Variants in SPTLC2 observed in about 807,000 individuals in gnomAD.
SPTLC2 encodes the protein serine palmitoyltransferase long chain base subunit 2, also known as serine palmitoyltransferase 2.
A neutral mutation model predicts 62.0 loss-of-function variants in SPTLC2; 21 were observed. The ratio of observed to expected loss-of-function variants is 0.34; its 90% CI spans 0.24 to 0.49. The LOEUF (loss-of-function observed/expected upper bound fraction) is 0.49. Among genes scored for constraint, SPTLC2 ranks in the 20% least tolerant of loss-of-function variants. The pLI is 0.99. For missense variants in SPTLC2, 511 were observed against 713.0 expected, an observed-to-expected ratio of 0.72 and a Z score of 3.23; for synonymous variants, 261 against 261.8, an observed-to-expected ratio of 1.00 and a Z score of 0.03.
At position 77,616,617 on chromosome 14, in the gene SPTLC2, G is replaced by A. The variant is rs375977724; in HGVS notation, c.-38C>T. On this transcript the variant is annotated 5_prime_UTR_variant, in exon 1 of 12. Transcript: ENST00000216484. The stretch of plus-strand genomic sequence containing the variant: ...ACCAGGCGCAAGGCAGGCTCTGTAG[G>A]CGGTGGCAGCGGCGGCGGCTGCTCC... 5.8e-4 allele frequency: 884 copies of A among 1,527,386 alleles called. 13 individuals are homozygous for A. The South Asian group carries it at 9.7e-3, about 17-fold the overall frequency. The allele number at this position is 1,527,386 out of a possible 1,614,324, so 94.6% of individuals were successfully genotyped here.
At chr14:77,559,513 A>G (rs1265924986) in intron 6 of SPTLC2, among the ~76,000 whole-genome samples, 1 of 152,170 alleles carries the variant, frequency 6.6e-6, no homozygotes, top group African/African-American at 2.4e-5. Flanking sequence ...GTAAAATCCG[A>G]AAGTCGTAAA....
intron 8 of SPTLC2, among the ~76,000 whole-genome samples, chr14:77,552,828 T>G (rs1286569655): frequency 7.1e-6 from 1 of 139,958 alleles, no homozygotes; most frequent in African/African-American, 2.6e-5. Context: ...AAAAAAAAAG[T>G]TAAAAATAAA....
At chr14:77,566,518 T>C (rs779311973) in intron 5 of SPTLC2, among the ~76,000 whole-genome samples, 2 of 152,102 alleles carry the variant, frequency 1.3e-5, no homozygotes, top group Non-Finnish European at 1.5e-5. Context: ...CAGGCTGGAG[T>C]GCATCGGCGC....
At chr14:77,551,696 TTTA>T (rs1395966988) in intron 9 of SPTLC2, among the ~76,000 whole-genome samples, 1 of 152,200 alleles carries the variant, frequency 6.6e-6, no homozygotes, top group Non-Finnish European at 1.5e-5. Context: ...GTAGAAACTC[TTTA>T]AAAAGGCATT....
rs2079308777 is a variant in SPTLC2 at position 77,506,956 on chromosome 14, C to A, written c.*5328G>T. 1 of 152,226 alleles carries A rather than the reference C, an allele frequency of 6.6e-6. No homozygotes were observed. The highest frequency in any genetic ancestry group is 1.5e-5 in the Non-Finnish European group (1 of 68,054). 9.4% of individuals were successfully genotyped at this position (152,226 alleles called of 1,614,324 possible). A position where few individuals can be genotyped will look rare whatever the true frequency, so the allele number is the denominator to read the frequency against. On this transcript the variant is annotated 3_prime_UTR_variant, in exon 12 of 12. Transcript: ENST00000216484. ...ATTCTTTAGGGTCAGTTTATTATAA[C>A]TTATCCTACCAGAAAGAATCACAGT... is the stretch of plus-strand genomic sequence containing the variant.
At chr14:77,570,950 C>T (rs373002420) in intron 4 of SPTLC2, among the ~76,000 whole-genome samples, 2 of 152,114 alleles carry the variant, frequency 1.3e-5, no homozygotes, top group African/African-American at 4.8e-5. Flanking sequence ...GAGAGAAAGA[C>T]GTAAGGAGAG....
At chr14:77,578,401 T>C (rs766986389) in intron 3 of SPTLC2, among the ~76,000 whole-genome samples, 2 of 151,654 alleles carry the variant, frequency 1.3e-5, no homozygotes, top group Non-Finnish European at 2.9e-5. Context: ...CTGTTTCTTA[T>C]CAATAGGAGT....
At chr14:77,539,053 AG>A (rs2079485606) in intron 9 of SPTLC2, among the ~76,000 whole-genome samples, 2 of 152,168 alleles carry the variant, frequency 1.3e-5, no homozygotes, top group African/African-American at 4.8e-5. Flanking sequence ...GGCTGTTTTA[AG>A]AAAATGGGAT....
chr14:77,572,078 G>A (rs59135299), intron 4 of SPTLC2, among the ~76,000 whole-genome samples: 12,246 of 152,260 alleles, frequency 0.08, 567 homozygotes, highest in African/African-American at 0.12. Context: ...GTGAGCCACC[G>A]CATCCAGCCG....
At chr14:77,551,932 C>A (rs1052529970) in intron 9 of SPTLC2, among the ~76,000 whole-genome samples, 164 bp downstream of exon 9, 2 of 152,150 alleles carry the variant, frequency 1.3e-5, no homozygotes, top group Non-Finnish European at 2.9e-5. Flanking sequence ...GTTCTCATGG[C>A]ATATGTATCA....
chr14:77,596,907 CGTT>C (rs1211692796), intron 2 of SPTLC2, among the ~76,000 whole-genome samples: 1 of 152,188 alleles, frequency 6.6e-6, no homozygotes, highest in Non-Finnish European at 1.5e-5. Flanking sequence ...TCTTGGGAAA[CGTT>C]GTTTAACTTG....
At chr14:77,589,299 T>C (rs954620029) in intron 2 of SPTLC2, among the ~76,000 whole-genome samples, 5 of 152,030 alleles carry the variant, frequency 3.3e-5, no homozygotes, top group African/African-American at 9.7e-5. Flanking sequence ...TTCTATGCTG[T>C]CCATGAAAGC....
intron 9 of SPTLC2, among the ~76,000 whole-genome samples, chr14:77,527,965 A>G (rs2139998850): frequency 6.6e-6 from 1 of 152,342 alleles, no homozygotes; most frequent in Middle Eastern, 3.4e-3. Flanking sequence ...TGCAGCTTCA[A>G]AAATAACATT....
At chr14:77,528,841 T>C (rs2079421971) in intron 9 of SPTLC2, among the ~76,000 whole-genome samples, 1 of 152,170 alleles carries the variant, frequency 6.6e-6, no homozygotes, top group Non-Finnish European at 1.5e-5. Flanking sequence ...TGTTATTTTT[T>C]GTTTGTTTTT....
In SPTLC2 at chr14:77,512,318, A is replaced by G. The variant is rs781721786; in HGVS notation, c.1655T>C (p.Phe552Ser). The G allele has an allele frequency of 1.2e-6, 2 of 1,614,078 alleles. No individual in the cohort carries two copies. The highest frequency in any genetic ancestry group is 1.7e-6 in the Non-Finnish European group (2 of 1,180,040). Residue 552 changes from phenylalanine to serine, a missense_variant, in exon 12 of 12, where the codon TTT becomes TCT. By Grantham distance (155) the Phe-to-Ser change is radical. Coordinates refer to ENST00000216484, the MANE Select transcript of SPTLC2 (RefSeq NM_004863.4). ...HRLVPLLDRPFDETTYEETED is the reference protein window; with the variant it reads ...HRLVPLLDRPSDETTYEETED ...TGTTTCTTCATACGTCGTCTCGTCAAAGGGCCTGTCCAGTAGAGGTACCAA... is the reference window on the plus strand; with the variant it reads ...TGTTTCTTCATACGTCGTCTCGTCAGAGGGCCTGTCCAGTAGAGGTACCAA...
In SPTLC2 at chr14:77,586,862, G is replaced by A. The variant is rs945561238; in HGVS notation, c.328-7753C>T. Among the ~76,000 whole-genome samples the A allele has an allele frequency of 2.0e-5, 3 of 152,262 alleles. No homozygotes were observed. In the South Asian group the frequency reaches 6.2e-4, roughly 32 times the overall value. On this transcript the variant is annotated intron_variant, in intron 2 of 11. Transcript: ENST00000216484. Reference sequence around the variant, plus strand: ...AAATTAAAACCACAATGAGACACTAGTACATATATACCAATTGAACTGGCA... The same window carrying A: ...AAATTAAAACCACAATGAGACACTAATACATATATACCAATTGAACTGGCA...
Position 77,512,235 on chromosome 14 carries a change from A to G in SPTLC2, c.*49T>C, listed in dbSNP as rs2079335737. Reference sequence around the variant, plus strand: ...CCTGGAACTGGCTCACAAAGGCCACAGGCTGTCCTGGGTGAGGGAGAGTTC... The same window carrying G: ...CCTGGAACTGGCTCACAAAGGCCACGGGCTGTCCTGGGTGAGGGAGAGTTC... On this transcript the variant is annotated 3_prime_UTR_variant, in exon 12 of 12. Transcript: ENST00000216484. 6.2e-7 allele frequency: 1 copy of G among 1,612,158 alleles called. No homozygotes were observed. The highest frequency in any genetic ancestry group is 1.3e-5 in the African/African-American group (1 of 74,880).
intron 1 of SPTLC2, among the ~76,000 whole-genome samples, chr14:77,600,445 C>T (rs2079870966): frequency 6.6e-6 from 1 of 152,168 alleles, no homozygotes; most frequent in Admixed American, 6.5e-5. Flanking sequence ...AACAAAATCA[C>T]TTCACCTTTA....
At position 77,616,588 on chromosome 14, in the gene SPTLC2, C is replaced by T; in HGVS notation, c.-9G>A. The stretch of plus-strand genomic sequence containing the variant: ...CCGGGCTCCGGCCGCATCTTCCTGG[C>T]AGCACCAGGCGCAAGGCAGGCTCTG... On this transcript the variant is annotated 5_prime_UTR_variant, in exon 1 of 12. Coordinates refer to ENST00000216484, the MANE Select transcript of SPTLC2 (RefSeq NM_004863.4). The T allele has an allele frequency of 6.5e-7, 1 of 1,538,296 alleles. No individual in the cohort carries two copies. Among genetic ancestry groups the T allele is most frequent in the Non-Finnish European group, 8.7e-7 (1 of 1,148,212 alleles).
Sources: allele counts gnomAD v4.1 joint callset (sites outside exome capture counted in the v4.1 genomes callset), GRCh38; gene constraint gnomAD v4.1.1; transcripts MANE v1.5; gene names NCBI Gene and HGNC (gene_info 2026-07-23, HGNC 2026-07-21).